The following HSD17B2 variants were observed in gnomAD, a reference collection of about 807,000 sequenced individuals.
The protein encoded by HSD17B2 is hydroxysteroid 17-beta dehydrogenase 2, also known as 17-beta-hydroxysteroid dehydrogenase type 2.
In HSD17B2, 32 loss-of-function variants were observed where a neutral mutation model predicts 26.9. The ratio of observed to expected loss-of-function variants is 1.19; its 90% CI spans 0.90 to 1.60. The LOEUF (loss-of-function observed/expected upper bound fraction) is 1.60. Among genes scored for constraint, HSD17B2 ranks in the 40% most tolerant of loss-of-function variants. The probability of loss-of-function intolerance (pLI) is 0.00; values close to 1 mark genes in which losing one functional copy is unlikely to be tolerated. For missense variants in HSD17B2, 613 were observed against 468.6 expected, an observed-to-expected ratio of 1.31 and a Z score of -2.85; for synonymous variants, 246 against 186.7, an observed-to-expected ratio of 1.32 and a Z score of -2.59.
intron 1 of HSD17B2, among the ~76,000 whole-genome samples, chr16:82,063,846 G>T (rs529955588): frequency 2.0e-5 from 3 of 152,264 alleles, no homozygotes; most frequent in South Asian, 2.1e-4. Flanking sequence ...CTACACCAAA[G>T]TTAGGTTAAC....
chr16:82,058,499 T>G (rs915752323), intron 1 of HSD17B2, among the ~76,000 whole-genome samples: 1 of 152,194 alleles, frequency 6.6e-6, no homozygotes, highest in African/African-American at 2.4e-5. Context: ...AATGTGCATC[T>G]TACCTTAGGT....
chr16:82,040,847 G>T (rs1422584924), intron 1 of HSD17B2, among the ~76,000 whole-genome samples: 1 of 152,206 alleles, frequency 6.6e-6, no homozygotes, highest in Non-Finnish European at 1.5e-5. Flanking sequence ...TGGAAATAAT[G>T]AAATAGAACT....
At chr16:82,064,830 C>T (rs57362890) in intron 1 of HSD17B2, among the ~76,000 whole-genome samples, 1,558 of 152,320 alleles carry the variant, frequency 0.01, 27 homozygotes, top group African/African-American at 0.035. Context: ...AGCTTTGCCT[C>T]TTGTTACTCT....
chr16:82,082,211 G>A (rs1275950317), intron 3 of HSD17B2, among the ~76,000 whole-genome samples: 2 of 152,020 alleles, frequency 1.3e-5, no homozygotes, highest in African/African-American at 2.4e-5. Context: ...CCTCCTTGCT[G>A]TCTCTATCAG....
intron 3 of HSD17B2, among the ~76,000 whole-genome samples, chr16:82,073,429 T>G (rs1914743086): frequency 6.6e-6 from 1 of 152,070 alleles, no homozygotes; most frequent in East Asian, 1.9e-4. Context: ...TTTCACCGTG[T>G]TAGCCAGGAA....
chr16:82,050,971 G>C (rs956924386), intron 1 of HSD17B2, among the ~76,000 whole-genome samples: 13 of 152,124 alleles, frequency 8.5e-5, no homozygotes, highest in African/African-American at 2.9e-4. Flanking sequence ...AATGTCTCTA[G>C]ACAATGCCAA....
At chr16:82,053,076 CAT>C (rs1371524082) in intron 1 of HSD17B2, among the ~76,000 whole-genome samples, 1 of 152,188 alleles carries the variant, frequency 6.6e-6, no homozygotes. Flanking sequence ...ATGCCATCAA[CAT>C]ATGAATTTGG....
intron 4 of HSD17B2, chr16:82,091,288 G>A: frequency 1.9e-6 from 1 of 518,852 alleles, no homozygotes; most frequent in Non-Finnish European, 3.5e-6. Context: ...AGAGGGGAAA[G>A]CATGGCTCAG....
chr16:82,038,087 T>G lies in HSD17B2; in HGVS notation c.265+2398T>G, dbSNP rs535984880. On this transcript the variant is annotated intron_variant, in intron 1 of 4. Coordinates refer to ENST00000199936, the MANE Select transcript of HSD17B2 (RefSeq NM_002153.3). ...AGAACACAAAACAGCTAAAGCTCCT[T>G]TTAGTTTGTATTTAATTTTGGACCC... 5.9e-5 allele frequency among the ~76,000 whole-genome samples: 9 copies of G among 152,308 alleles called. No individual in the cohort carries two copies. In the South Asian group the frequency reaches 1.2e-3, roughly 21 times the overall value.
chr16:82,087,381 T>G (rs1012524440), intron 3 of HSD17B2, among the ~76,000 whole-genome samples: 5 of 152,200 alleles, frequency 3.3e-5, no homozygotes, highest in African/African-American at 9.7e-5. Context: ...TCAAAAAGCC[T>G]TAAGACACAG....
chr16:82,035,979 T>C (rs897051748), intron 1 of HSD17B2, among the ~76,000 whole-genome samples: 10 of 152,204 alleles, frequency 6.6e-5, no homozygotes, highest in Admixed American at 6.5e-4. Context: ...ATTTCATGTG[T>C]TCTATTGTAC....
At chr16:82,045,880 C>G (rs139483539) in intron 1 of HSD17B2, among the ~76,000 whole-genome samples, 73 of 152,390 alleles carry the variant, frequency 4.8e-4, no homozygotes, top group African/African-American at 1.6e-3. Context: ...TCTCCTGATT[C>G]TTCTCAGTCC....
chr16:82,087,713 A>T (rs944251585), intron 3 of HSD17B2, among the ~76,000 whole-genome samples: 3 of 152,174 alleles, frequency 2.0e-5, no homozygotes, highest in Non-Finnish European at 4.4e-5. Flanking sequence ...ATTTATAATG[A>T]ACAGAAATTG....
intron 1 of HSD17B2, among the ~76,000 whole-genome samples, chr16:82,055,089 T>C (rs1000438126): frequency 6.6e-6 from 1 of 152,216 alleles, no homozygotes; most frequent in Non-Finnish European, 1.5e-5. Context: ...CTCCAGACAT[T>C]GTCAAATGTT....
rs557960104 is a variant in HSD17B2, at chr16:82,063,557, A to C, written c.266-4613A>C. ...TTAATTTACTGCCAAACAAAAAAAAACCTCAGATTTAGTTAGGAGAGACTT... is the reference window on the plus strand; with the variant it reads ...TTAATTTACTGCCAAACAAAAAAAACCCTCAGATTTAGTTAGGAGAGACTT... On this transcript the variant is annotated intron_variant, in intron 1 of 4. Coordinates refer to ENST00000199936, the MANE Select transcript of HSD17B2 (RefSeq NM_002153.3). 2.8e-3 allele frequency among the ~76,000 whole-genome samples: 433 copies of C among 152,288 alleles called. 2 individuals carry two copies. Among genetic ancestry groups the C allele is most frequent in the Middle Eastern group, 0.014 (4 of 294 alleles).
chr16:82,091,097 C>G, intron 4 of HSD17B2, 58 bp downstream of exon 4: 1 of 1,555,536 alleles, frequency 6.4e-7, no homozygotes, highest in Non-Finnish European at 8.9e-7. Flanking sequence ...CCCGAAGGTC[C>G]TCTTGGTCTG....
In HSD17B2 at chr16:82,058,206, G is replaced by A. The variant is rs577760848; in HGVS notation, c.266-9964G>A. On this transcript the variant is annotated intron_variant, in intron 1 of 4. Transcript: ENST00000199936. ...CCACCTCAGCCTCCTGAGTAGCTGG[G>A]GCCAGGGGCGTATGCCAGCACACCT... 7.3e-4 allele frequency among the ~76,000 whole-genome samples: 111 copies of A among 151,920 alleles called. No individual in the cohort carries two copies. The Middle Eastern group carries it at 0.017, about 23-fold the overall frequency.
intron 1 of HSD17B2, among the ~76,000 whole-genome samples, chr16:82,038,091 GTTTGTATTTAA>G: frequency 6.6e-6 from 1 of 152,276 alleles, no homozygotes; most frequent in East Asian, 1.9e-4. Context: ...GCTCCTTTTA[GTTTGTATTTAA>G]TTTTGGACCC....
At chr16:82,069,816 T>C (rs1386590818) in intron 2 of HSD17B2, among the ~76,000 whole-genome samples, 1 of 152,108 alleles carries the variant, frequency 6.6e-6, no homozygotes. Context: ...GGAAGATTAT[T>C]AGGAATGTTA....
Sources: gnomAD v4.1 joint callset for allele counts (sites outside exome capture counted in the v4.1 genomes callset) on GRCh38, gnomAD v4.1.1 for gene constraint, MANE v1.5 for transcripts, NCBI Gene and HGNC (gene_info 2026-07-23, HGNC 2026-07-21) for gene names.